The following TUBD1 variants were observed in gnomAD, a reference collection of about 807,000 sequenced individuals.
TUBD1 encodes tubulin delta chain.
In TUBD1, 38 loss-of-function variants were observed where a neutral mutation model predicts 51.2. That is an observed-to-expected ratio of 0.74 (90% confidence interval 0.57 to 0.97). The LOEUF (loss-of-function observed/expected upper bound fraction) is 0.97, where lower values mean the gene tolerates loss of function less well. Among genes scored for constraint, TUBD1 ranks in the 50% least tolerant of loss-of-function variants. The pLI is 0.00. For missense variants in TUBD1, 489 were observed against 538.4 expected (o/e 0.91, Z 0.91); for synonymous variants, 169 against 178.2 (o/e 0.95, Z 0.41).
rs373865886 is a variant in TUBD1, at chr17:59,890,826, C to T, written c.172+5G>A. The T allele has an allele frequency of 4.3e-4, 683 of 1,606,480 alleles. No homozygotes were observed. Among genetic ancestry groups the T allele is most frequent in the Non-Finnish European group, 5.4e-4 (636 of 1,176,564 alleles). On this transcript the variant is annotated splice_donor_5th_base_variant and intron_variant, in intron 2 of 8. Coordinates refer to ENST00000325752, the MANE Select transcript of TUBD1 (RefSeq NM_016261.4). ...GTAAAGGAGAGGACTGTGGGCCACA[C>T]CTACCTCCATTCTCCTCCTCACTGA...
chr17:59,886,160 G>C lies in TUBD1; in HGVS notation c.243C>G (p.Ala81=), dbSNP rs1171604191. 6.2e-7 allele frequency: 1 copy of C among 1,613,872 alleles called. No homozygotes were observed. Among genetic ancestry groups the C allele is most frequent in the Non-Finnish European group, 8.5e-7 (1 of 1,180,010 alleles). ...KVINQMLSKA[A]QSGQWKYGQH... ...GACCATATTTCCATTGGCCAGACTGGGCAGCCTTTGACAGCATTTGATTGA... is the reference window on the plus strand; with the variant it reads ...GACCATATTTCCATTGGCCAGACTGCGCAGCCTTTGACAGCATTTGATTGA... Residue 81 remains alanine (A), a synonymous_variant, in exon 3 of 9, where the codon GCC becomes GCG. Transcript: ENST00000325752.
chr17:59,868,633 T>C (rs905929153), intron 6 of TUBD1, among the ~76,000 whole-genome samples: 1 of 151,956 alleles, frequency 6.6e-6, no homozygotes, highest in African/African-American at 2.4e-5. Flanking sequence ...GTTCAAGAGA[T>C]CGAGACCATA....
chr17:59,891,146 CCT>C (rs372810705), intron 1 of TUBD1, 105 bp from the exon 2 acceptor site: 108 of 633,800 alleles, frequency 1.7e-4, no homozygotes, highest in African/African-American at 9.8e-4. Context: ...TTTTTTCCCC[CCT>C]GAGACGGAGT....
rs2040970302 is a variant in TUBD1, at chr17:59,890,918, T to A, written c.85A>T (p.Ser29Cys). Residue 29 changes from serine to cysteine, a missense_variant, in exon 2 of 9, where the codon AGT becomes TGT. Coordinates refer to ENST00000325752, the MANE Select transcript of TUBD1 (RefSeq NM_016261.4). ...VFDALLSDSH[S>C]SQGLCSMREN... ...CTCATAGAGCAGAGTCCCTGGGAAC[T>A]GTGTGAGTCACTAAGCAAAGCATCA... is the stretch of plus-strand genomic sequence containing the variant. 1 of 1,614,028 alleles carries A rather than the reference T, an allele frequency of 6.2e-7. No homozygotes were observed. Among genetic ancestry groups the A allele is most frequent in the Non-Finnish European group, 8.5e-7 (1 of 1,179,982 alleles).
intron 3 of TUBD1, among the ~76,000 whole-genome samples, chr17:59,882,357 C>T (rs1389506811): frequency 1.3e-5 from 2 of 151,896 alleles, no homozygotes; most frequent in Admixed American, 6.6e-5. Context: ...CATTTCAGCT[C>T]ACTAAAACTA....
At chr17:59,860,664 G>C (rs1598490632) in intron 8 of TUBD1, among the ~76,000 whole-genome samples, 1 of 151,382 alleles carries the variant, frequency 6.6e-6, no homozygotes, top group Middle Eastern at 3.4e-3. Flanking sequence ...TCGGCTCACT[G>C]CAACCTCCAC....
At chr17:59,877,610 A>C (rs532092338) in intron 5 of TUBD1, among the ~76,000 whole-genome samples, 5 of 152,144 alleles carry the variant, frequency 3.3e-5, no homozygotes, top group Non-Finnish European at 5.9e-5. Context: ...TCTACTAAAA[A>C]TACAAAAATC....
At chr17:59,884,419 C>G (rs1423716639) in intron 3 of TUBD1, among the ~76,000 whole-genome samples, 1 of 151,874 alleles carries the variant, frequency 6.6e-6, no homozygotes, top group African/African-American at 2.4e-5. Context: ...TCCAGACCAG[C>G]CTGGCCAAAC....
At chr17:59,888,967 C>G (rs566043418) in intron 2 of TUBD1, among the ~76,000 whole-genome samples, 1 of 149,872 alleles carries the variant, frequency 6.7e-6, no homozygotes, top group African/African-American at 2.5e-5. Context: ...CCACCTCGGC[C>G]TCCCAAAGTG....
At chr17:59,866,946 T>C (rs564548685) in intron 6 of TUBD1, among the ~76,000 whole-genome samples, 197 bp from the exon 7 acceptor site, 43 of 152,140 alleles carry the variant, frequency 2.8e-4, no homozygotes, top group African/African-American at 1.0e-3. Context: ...GTGTGTGCCA[T>C]CACGCCCAGC....
At chr17:59,888,761 CTT>C (rs1452889533) in intron 2 of TUBD1, among the ~76,000 whole-genome samples, 2 of 151,338 alleles carry the variant, frequency 1.3e-5, no homozygotes, top group Non-Finnish European at 2.9e-5. Context: ...GAGTTTCGCT[CTT>C]GTCACCTAGG....
At chr17:59,885,958 TA>T (rs1176071806) in intron 3 of TUBD1, 124 bp downstream of exon 3, 1 of 1,093,284 alleles carries the variant, frequency 9.1e-7, no homozygotes, top group East Asian at 2.5e-5. Flanking sequence ...AATAAAATTC[TA>T]AATCTAAAAC....
chr17:59,880,664 GCCA>G (rs2040442459), intron 4 of TUBD1, among the ~76,000 whole-genome samples: 1 of 151,582 alleles, frequency 6.6e-6, no homozygotes, highest in African/African-American at 2.4e-5. Flanking sequence ...AGAGGCGCCC[GCCA>G]CCACGCCTGG....
intron 7 of TUBD1, among the ~76,000 whole-genome samples, chr17:59,864,158 T>A (rs112426404): frequency 0.072 from 10,171 of 141,362 alleles, 1,074 homozygotes; most frequent in African/African-American, 0.26. Context: ...TTATTACTAA[T>A]TTTTTTTTTT....
chr17:59,871,292 C>A (rs1259022090), intron 6 of TUBD1, among the ~76,000 whole-genome samples: 2 of 152,050 alleles, frequency 1.3e-5, no homozygotes, highest in African/African-American at 4.8e-5. Context: ...CTCTGCCTCC[C>A]AAGTTCAAGC....
intron 3 of TUBD1, among the ~76,000 whole-genome samples, chr17:59,882,861 T>A (rs2040549890): frequency 6.6e-6 from 1 of 152,008 alleles, no homozygotes; most frequent in Admixed American, 6.6e-5. Context: ...CTCTACTCAC[T>A]GCAACCTCTG....
Position 59,891,233 on chromosome 17 carries a change from C to T in TUBD1, c.-39-192G>A, listed in dbSNP as rs548073473. On this transcript the variant is annotated intron_variant, in intron 1 of 8. Transcript: ENST00000325752. ...GCAACCTCCGCCTCCCAGGTTCAAG[C>T]GATTCTCCTGCCTCAGCCTCCCGAG... Among the ~76,000 whole-genome samples the T allele has an allele frequency of 1.9e-3, 285 of 152,166 alleles. 1 individual carries two copies. The highest frequency in any genetic ancestry group is 6.5e-3 in the African/African-American group (270 of 41,514).
At chr17:59,879,805 G>A (rs972642273) in intron 4 of TUBD1, among the ~76,000 whole-genome samples, 9 of 151,624 alleles carry the variant, frequency 5.9e-5, no homozygotes, top group African/African-American at 1.9e-4. Flanking sequence ...CCAGGCTGAA[G>A]TGTAGTGGCT....
Position 59,860,143 on chromosome 17 carries a change from G to GT in TUBD1, c.*178dup. On this transcript the variant is annotated 3_prime_UTR_variant, in exon 9 of 9. Transcript: ENST00000325752. ...TCATTCTCCTGCCTCAGCCTCCCGA[G>GT]TAGCTGGGACTACAGGCACCCGCCA... 1 of 453,102 alleles carries GT rather than the reference G, an allele frequency of 2.2e-6. No homozygotes were observed. The highest frequency in any genetic ancestry group is 3.9e-6 in the Non-Finnish European group (1 of 255,348). The allele number at this position is 453,102 out of a possible 1,614,324, so 28.1% of individuals were successfully genotyped here.
Sources: allele counts gnomAD v4.1 joint callset (sites outside exome capture counted in the v4.1 genomes callset), GRCh38; gene constraint gnomAD v4.1.1; transcripts MANE v1.5; gene names NCBI Gene and HGNC (gene_info 2026-07-23, HGNC 2026-07-21).